The following ADCY7 variants were observed in gnomAD, a reference collection of about 807,000 sequenced individuals.
The protein encoded by ADCY7 is adenylate cyclase type 7.
Under a neutral mutation model 120.6 loss-of-function variants are expected in ADCY7, and 72 were observed. The ratio of observed to expected loss-of-function variants is 0.60; its 90% CI spans 0.49 to 0.73. The LOEUF is 0.73. Among genes scored for constraint, ADCY7 ranks in the 30% least tolerant of loss-of-function variants. The probability of loss-of-function intolerance (pLI) is 0.00; values close to 1 mark genes in which losing one functional copy is unlikely to be tolerated. For synonymous variants in ADCY7, 661 were observed against 628.0 expected, an observed-to-expected ratio of 1.05 and a Z score of -0.78; for missense variants, 1,227 against 1,486.0, an observed-to-expected ratio of 0.83 and a Z score of 2.87.
chr16:50,265,481 C>T (rs2033178325), upstream of ADCY7, among the ~76,000 whole-genome samples: 1 of 152,206 alleles, frequency 6.6e-6, no homozygotes, highest in African/African-American at 2.4e-5. Flanking sequence ...TCCTCCTGAT[C>T]AGTATGTGTG....
Position 50,288,000 on chromosome 16 carries a change from T to C in ADCY7, c.-180T>C. Reference sequence around the variant, plus strand: ...TGAGTGAGGCCTGGTGCCAGAGCTGTGCGGACCCCTTGTTGGCCATGGAGC... The same window carrying C: ...TGAGTGAGGCCTGGTGCCAGAGCTGCGCGGACCCCTTGTTGGCCATGGAGC... On this transcript the variant is annotated 5_prime_UTR_variant, in exon 2 of 26. Coordinates refer to ENST00000673801, the MANE Select transcript of ADCY7 (RefSeq NM_001114.5). 1 of 643,322 alleles carries C rather than the reference T, an allele frequency of 1.6e-6. No homozygotes were observed. The highest frequency in any genetic ancestry group is 2.6e-6 in the Non-Finnish European group (1 of 390,806). 39.9% of individuals were successfully genotyped at this position (643,322 alleles called of 1,614,324 possible).
chr16:50,289,963 C>G (rs1004058287), intron 2 of ADCY7, among the ~76,000 whole-genome samples: 2 of 152,242 alleles, frequency 1.3e-5, no homozygotes, highest in South Asian at 2.1e-4. Flanking sequence ...ACGGACCTCC[C>G]GGATGCTGTG....
intron 1 of ADCY7, among the ~76,000 whole-genome samples, chr16:50,284,263 G>A (rs1406474926): frequency 6.6e-6 from 1 of 152,216 alleles, no homozygotes; most frequent in East Asian, 1.9e-4. Flanking sequence ...AGCTGGCCAA[G>A]GTCCCTGGAT....
chr16:50,315,323 C>T (rs748161963), intron 25 of ADCY7, 36 bp from the exon 26 acceptor site: 13 of 1,593,630 alleles, frequency 8.2e-6, no homozygotes, highest in Admixed American at 3.4e-5. Context: ...GTGTTCTTCC[C>T]GCCTCTGAAG....
intron 1 of ADCY7, among the ~76,000 whole-genome samples, chr16:50,248,229 A>G (rs1249911105): frequency 6.6e-6 from 1 of 151,236 alleles, no homozygotes; most frequent in Non-Finnish European, 1.5e-5. Context: ...TGCCCCGCCC[A>G]CCTCTCCCTC....
chr16:50,306,353 A>G (rs1194694909), intron 14 of ADCY7, among the ~76,000 whole-genome samples: 2 of 152,098 alleles, frequency 1.3e-5, no homozygotes, highest in Non-Finnish European at 1.5e-5. Context: ...ATACCACTTC[A>G]CAGAGAGGAA....
intron 7 of ADCY7, among the ~76,000 whole-genome samples, chr16:50,295,471 G>C (rs1297142483): frequency 6.8e-6 from 1 of 147,314 alleles, no homozygotes; most frequent in African/African-American, 2.5e-5. Flanking sequence ...TGGGATTACA[G>C]CCGTGGGCCA....
intron 10 of ADCY7, among the ~76,000 whole-genome samples, chr16:50,303,606 C>T (rs1287390471): frequency 2.0e-5 from 3 of 147,674 alleles, no homozygotes; most frequent in African/African-American, 5.0e-5. Context: ...GTTCTTGGAT[C>T]GGGGTGGGGG....
At chr16:50,264,155 G>A (rs765168803), upstream of ADCY7, among the ~76,000 whole-genome samples, 3 of 152,096 alleles carry the variant, frequency 2.0e-5, no homozygotes, top group South Asian at 2.1e-4. Flanking sequence ...AGAGGCAACC[G>A]CTGTCTTGCT....
At chr16:50,271,670 T>G (rs1197904517) in intron 1 of ADCY7, among the ~76,000 whole-genome samples, 2 of 152,118 alleles carry the variant, frequency 1.3e-5, no homozygotes, top group African/African-American at 4.8e-5. Flanking sequence ...CCCCCTGACA[T>G]TTTCACTCCC....
intron 1 of ADCY7, among the ~76,000 whole-genome samples, chr16:50,283,120 G>C (rs1037728496): frequency 6.6e-6 from 1 of 152,212 alleles, no homozygotes; most frequent in Non-Finnish European, 1.5e-5. Context: ...AACCCACTGA[G>C]GGGCCACGGG....
chr16:50,308,985 C>G (rs865817284), intron 17 of ADCY7, 193 bp downstream of exon 17: 4 of 609,568 alleles, frequency 6.6e-6, no homozygotes, highest in African/African-American at 1.9e-5. Flanking sequence ...TTTGGGGGCC[C>G]AGAGAGCTTG....
chr16:50,285,127 AT>A (rs2034502587), intron 1 of ADCY7, among the ~76,000 whole-genome samples: 1 of 152,224 alleles, frequency 6.6e-6, no homozygotes, highest in Non-Finnish European at 1.5e-5. Flanking sequence ...ATATTGAAAA[AT>A]TTGAAATCAG....
chr16:50,249,379 G>A (rs2032684525), intron 1 of ADCY7, among the ~76,000 whole-genome samples: 1 of 152,166 alleles, frequency 6.6e-6, no homozygotes, highest in Non-Finnish European at 1.5e-5. Context: ...GGCAGAAGTT[G>A]CAGTGAGCCG....
chr16:50,269,469 G>A lies in ADCY7; in HGVS notation c.-269+2789G>A, dbSNP rs1427895358. Among the ~76,000 whole-genome samples the A allele has an allele frequency of 3.9e-5, 6 of 152,220 alleles. No individual in the cohort carries two copies. The East Asian group carries it at 5.8e-4, about 15-fold the overall frequency. ...CTACCCTGCCCTGTGCCTGGACTTC[G>A]CTGGGCCCACTGCGGGAGAGAAGAG... On this transcript the variant is annotated intron_variant, in intron 1 of 25. Transcript: ENST00000673801.
intron 24 of ADCY7, 84 bp from the exon 25 acceptor site, chr16:50,314,930 G>GGGTATGGATTCTCT: frequency 6.4e-7 from 1 of 1,560,022 alleles, no homozygotes; most frequent in Non-Finnish European, 8.7e-7. Flanking sequence ...TCCTGTGCTG[G>GGGTATGGATTCTCT]GGTATGGATT....
At chr16:50,262,575 C>T (rs1386325583), upstream of ADCY7, among the ~76,000 whole-genome samples, 1 of 152,182 alleles carries the variant, frequency 6.6e-6, no homozygotes, top group Non-Finnish European at 1.5e-5. Flanking sequence ...GATCCACCCT[C>T]CTCAGCCTCC....
At position 50,314,639 on chromosome 16, in the gene ADCY7, T is replaced by A. The variant is rs1330986557; in HGVS notation, c.2971+233T>A. The A allele has an allele frequency of 9.5e-6, 5 of 527,380 alleles. No individual in the cohort carries two copies. In the East Asian group the frequency reaches 1.6e-4, roughly 17 times the overall value. The allele number at this position is 527,380 out of a possible 1,614,324, so 32.7% of individuals were successfully genotyped here. A position where few individuals can be genotyped will look rare whatever the true frequency, so the allele number is the denominator to read the frequency against. On this transcript the variant is annotated intron_variant, in intron 24 of 25. Coordinates refer to ENST00000673801, the MANE Select transcript of ADCY7 (RefSeq NM_001114.5). Reference sequence around the variant, plus strand: ...ACAGAAAATGGAGAACCAAAATTATTGTCTGTAAACAGGTGACCTTAAAAT... The same window carrying A: ...ACAGAAAATGGAGAACCAAAATTATAGTCTGTAAACAGGTGACCTTAAAAT...
upstream of ADCY7, among the ~76,000 whole-genome samples, chr16:50,264,583 C>A (rs1280201539): frequency 6.6e-6 from 1 of 152,208 alleles, no homozygotes; most frequent in Non-Finnish European, 1.5e-5. Context: ...TTCCCACTAG[C>A]AGTACATGAG....
Sources: allele counts gnomAD v4.1 joint callset (sites outside exome capture counted in the v4.1 genomes callset), GRCh38; gene constraint gnomAD v4.1.1; transcripts MANE v1.5; gene names NCBI Gene and HGNC (gene_info 2026-07-23, HGNC 2026-07-21).